Variants in DNAAF11 observed in about 807,000 individuals in gnomAD.
The protein encoded by DNAAF11 is leucine rich repeat containing 6.
In DNAAF11, 45 loss-of-function variants were observed where a neutral mutation model predicts 60.8. The ratio of observed to expected loss-of-function variants is 0.74; its 90% CI spans 0.58 to 0.95. The LOEUF is 0.95. Ranked by LOEUF, DNAAF11 falls within the 40% of genes least tolerant of loss-of-function variation. DNAAF11 has a pLI of 0.00. For synonymous variants in DNAAF11, 191 were observed against 183.5 expected (o/e 1.04, Z -0.33); for missense variants, 546 against 546.2 (o/e 1.00, Z 0.00).
intron 10 of DNAAF11, among the ~76,000 whole-genome samples, chr8:132,587,149 A>G (rs1815990663): frequency 6.6e-6 from 1 of 152,154 alleles, no homozygotes; most frequent in South Asian, 2.1e-4. Flanking sequence ...TTTGTCACAT[A>G]ATAAGCACAA....
At chr8:132,593,001 A>C (rs1349243168) in intron 10 of DNAAF11, among the ~76,000 whole-genome samples, 1 of 151,988 alleles carries the variant, frequency 6.6e-6, no homozygotes, top group Non-Finnish European at 1.5e-5. Context: ...TCAATGGATA[A>C]GATCAATCAG....
At chr8:132,595,752 T>C (rs920063146) in intron 10 of DNAAF11, among the ~76,000 whole-genome samples, 9 of 152,174 alleles carry the variant, frequency 5.9e-5, no homozygotes, top group African/African-American at 2.2e-4. Flanking sequence ...AGAAAAAATA[T>C]TTTAAAACAC....
chr8:132,628,096 C>T (rs1373374501), intron 5 of DNAAF11, among the ~76,000 whole-genome samples: 1 of 152,132 alleles, frequency 6.6e-6, no homozygotes, highest in Non-Finnish European at 1.5e-5. Flanking sequence ...GCCCCTTCTA[C>T]CATGTCTACT....
At chr8:132,603,038 C>A (rs1817787763) in intron 10 of DNAAF11, among the ~76,000 whole-genome samples, 1 of 152,122 alleles carries the variant, frequency 6.6e-6, no homozygotes. Flanking sequence ...TTATTAGAGT[C>A]CCCTTTTTGG....
intron 3 of DNAAF11, among the ~76,000 whole-genome samples, chr8:132,655,401 A>G (rs1400753258): frequency 6.6e-6 from 1 of 152,134 alleles, no homozygotes; most frequent in Non-Finnish European, 1.5e-5. Flanking sequence ...TTCATTCTAT[A>G]AAGGCCCCTA....
chr8:132,626,689 A>G (rs980608334), intron 5 of DNAAF11, among the ~76,000 whole-genome samples: 15 of 152,220 alleles, frequency 9.9e-5, no homozygotes, highest in Non-Finnish European at 1.9e-4. Flanking sequence ...CATTAGGTAC[A>G]GTCTCTCTCC....
chr8:132,611,644 CT>C (rs1818682966), intron 8 of DNAAF11, among the ~76,000 whole-genome samples: 1 of 152,164 alleles, frequency 6.6e-6, no homozygotes, highest in Non-Finnish European at 1.5e-5. Flanking sequence ...CAAAAAACAG[CT>C]TGCCATGCTC....
intron 3 of DNAAF11, among the ~76,000 whole-genome samples, chr8:132,648,646 A>T (rs536214250): frequency 6.6e-6 from 1 of 152,358 alleles, no homozygotes; most frequent in South Asian, 2.1e-4. Context: ...TAAGCTGGTA[A>T]GCAACTTCAG....
At chr8:132,580,440 C>T (rs1279392673) in intron 11 of DNAAF11, among the ~76,000 whole-genome samples, 1 of 152,146 alleles carries the variant, frequency 6.6e-6, no homozygotes, top group Non-Finnish European at 1.5e-5. Flanking sequence ...AAATCAAACA[C>T]AAAAGTAGAC....
intron 3 of DNAAF11, among the ~76,000 whole-genome samples, chr8:132,640,620 C>T (rs1232956858): frequency 6.6e-6 from 1 of 152,054 alleles, no homozygotes; most frequent in African/African-American, 2.4e-5. Flanking sequence ...AGTTAAATTA[C>T]TCTCTTAACT....
intron 1 of DNAAF11, among the ~76,000 whole-genome samples, chr8:132,666,322 GT>G: frequency 6.6e-6 from 1 of 152,216 alleles, no homozygotes; most frequent in East Asian, 1.9e-4. Flanking sequence ...AATGATAAAT[GT>G]TTTAGATAAT....
intron 10 of DNAAF11, among the ~76,000 whole-genome samples, 193 bp downstream of exon 10, chr8:132,609,973 G>T (rs1818490296): frequency 6.6e-6 from 1 of 151,962 alleles, no homozygotes; most frequent in Non-Finnish European, 1.5e-5. Flanking sequence ...ACCACCTTAG[G>T]CCCCAAACAC....
chr8:132,616,377 T>C (rs1193046238), intron 7 of DNAAF11, among the ~76,000 whole-genome samples: 1 of 152,118 alleles, frequency 6.6e-6, no homozygotes, highest in Non-Finnish European at 1.5e-5. Flanking sequence ...AGATAAACCA[T>C]GGAGACTGCT....
chr8:132,602,750 T>C (rs977751723), intron 10 of DNAAF11, among the ~76,000 whole-genome samples: 9 of 145,302 alleles, frequency 6.2e-5, no homozygotes, highest in Non-Finnish European at 1.2e-4. Flanking sequence ...TTGAAATATA[T>C]ATATATATAT....
rs1052863332 is a variant in DNAAF11 at position 132,657,029 on chromosome 8, T to A, written c.179-122A>T. The A allele has an allele frequency of 2.1e-5, 10 of 472,256 alleles. No individual in the cohort carries two copies. In the Admixed American group the frequency reaches 3.4e-4, roughly 16 times the overall value. The allele number at this position is 472,256 out of a possible 1,614,324, so 29.3% of individuals were successfully genotyped here. On this transcript the variant is annotated intron_variant, in intron 2 of 11. Transcript: ENST00000620350. ...TATTATTATGGTTATCAAAACCATGTCACTTTTCCAAATCTATACCTGTAC... is the reference window on the plus strand; with the variant it reads ...TATTATTATGGTTATCAAAACCATGACACTTTTCCAAATCTATACCTGTAC...
At chr8:132,579,829 T>C (rs1277955502) in intron 11 of DNAAF11, among the ~76,000 whole-genome samples, 2 of 152,036 alleles carry the variant, frequency 1.3e-5, no homozygotes, top group Non-Finnish European at 2.9e-5. Context: ...AACCTGTCTC[T>C]ACTAAAAATA....
intron 9 of DNAAF11, among the ~76,000 whole-genome samples, chr8:132,610,899 T>TTTAC (rs1818596418): frequency 6.6e-6 from 1 of 152,140 alleles, no homozygotes; most frequent in Non-Finnish European, 1.5e-5. Context: ...TATTTATTTA[T>TTTAC]TTATTTATTT....
In DNAAF11 at chr8:132,674,146, A is replaced by AGG. The variant is rs1563726071; in HGVS notation, c.10+1337_10+1338insCC. ...GAGGAGGAGGAGGAGAAGGAGGAGG[A>AGG]AGAGGAGGAGGAGAAGGAGAAGGAG... On this transcript the variant is annotated intron_variant, in intron 1 of 11. Coordinates refer to ENST00000620350, the MANE Select transcript of DNAAF11 (RefSeq NM_012472.6). Among the ~76,000 whole-genome samples, 42 of 126,278 alleles carry AGG rather than the reference A, an allele frequency of 3.3e-4. 3 individuals carry two copies. Among genetic ancestry groups the AGG allele is most frequent in the African/African-American group, 1.1e-3 (36 of 33,976 alleles). The allele number at this position is 126,278 out of a possible 152,430, so 82.8% of individuals were successfully genotyped here.
At chr8:132,613,991 T>C (rs1818909171) in intron 8 of DNAAF11, among the ~76,000 whole-genome samples, 1 of 146,106 alleles carries the variant, frequency 6.8e-6, no homozygotes. Flanking sequence ...TCATTCATTC[T>C]TGTGTTTATT....
Sources: allele counts gnomAD v4.1 joint callset (sites outside exome capture counted in the v4.1 genomes callset), GRCh38; gene constraint gnomAD v4.1.1; transcripts MANE v1.5; gene names NCBI Gene and HGNC (gene_info 2026-07-23, HGNC 2026-07-21).